Variants in MAK16 observed in about 807,000 individuals in gnomAD.
The protein encoded by MAK16 is MAK16 homolog, also known as protein MAK16 homolog.
MAK16 carries 12 observed loss-of-function variants against 49.9 expected under a neutral mutation model. That is an observed-to-expected ratio of 0.24 (90% confidence interval 0.15 to 0.39). The LOEUF is 0.39. Among genes scored for constraint, MAK16 ranks in the 10% least tolerant of loss-of-function variants. The probability of loss-of-function intolerance (pLI) is 1.00; values close to 1 mark genes in which losing one functional copy is unlikely to be tolerated. For missense variants in MAK16, 292 were observed against 363.7 expected (o/e 0.80, Z 1.60); for synonymous variants, 115 against 126.4 (o/e 0.91, Z 0.60).
At chr8:33,495,767 A>G (rs566788613) in intron 7 of MAK16, 151 bp downstream of exon 7, 2 of 595,758 alleles carry the variant, frequency 3.4e-6, no homozygotes, top group African/African-American at 4.5e-5. Context: ...CCCAGGTTAG[A>G]GTGCAGTGGT....
chr8:33,489,170 A>G lies in MAK16; in HGVS notation c.392+31A>G. 3 of 1,578,998 alleles carry G rather than the reference A, an allele frequency of 1.9e-6. No homozygotes were observed. The highest frequency in any genetic ancestry group is 1.4e-5 in the African/African-American group (1 of 73,406). On this transcript the variant is annotated intron_variant, in intron 5 of 9. Transcript: ENST00000360128. This position sits in a 1 kb window ranked among gnomAD's most constrained non-coding sequence, Gnocchi z 4.2. ...TATTTGGATCATTCATTATTTTTAA[A>G]TCTCTCTTTTTATGGAGCTTGTTTT...
chr8:33,500,288 T>C lies in MAK16; in HGVS notation c.*1659T>C, dbSNP rs1393765261. 6.2e-7 allele frequency: 1 copy of C among 1,612,060 alleles called. No individual in the cohort carries two copies. The highest frequency in any genetic ancestry group is 8.5e-7 in the Non-Finnish European group (1 of 1,178,516). On this transcript the variant is annotated 3_prime_UTR_variant, in exon 10 of 10. Transcript: ENST00000360128. ...ATCAATCATGGGAATTACATAAGGA[T>C]AATGAGGCCCAACTGAAACCAAGTT... is the stretch of plus-strand genomic sequence containing the variant.
At chr8:33,488,689 T>A in intron 3 of MAK16, 45 bp from the exon 4 acceptor site, 1 of 1,611,976 alleles carries the variant, frequency 6.2e-7, no homozygotes, top group Non-Finnish European at 8.5e-7. Flanking sequence ...GGGATGTTCT[T>A]TAGTTTCTGT....
Position 33,498,919 on chromosome 8 carries a change from A to G in MAK16, c.*290A>G. 2 of 577,568 alleles carry G rather than the reference A, an allele frequency of 3.5e-6. No individual in the cohort carries two copies. The highest frequency in any genetic ancestry group is 6.1e-6 in the Non-Finnish European group (2 of 328,378). 35.8% of individuals were successfully genotyped at this position (577,568 alleles called of 1,614,324 possible). A position where few individuals can be genotyped will look rare whatever the true frequency, so the allele number is the denominator to read the frequency against. On this transcript the variant is annotated 3_prime_UTR_variant, in exon 10 of 10. Coordinates refer to ENST00000360128, the MANE Select transcript of MAK16 (RefSeq NM_032509.4). Reference sequence around the variant, plus strand: ...ATCTGGGATGAGATGACGGATGTAAATATTTCTAAATTTTAAATGCTACAT... The same window carrying G: ...ATCTGGGATGAGATGACGGATGTAAGTATTTCTAAATTTTAAATGCTACAT...
At position 33,501,022 on chromosome 8, in the gene MAK16, C is replaced by T. The variant is rs1809056965; in HGVS notation, c.*2393C>T. 6.4e-6 allele frequency: 1 copy of T among 156,058 alleles called. No individual in the cohort carries two copies. Among genetic ancestry groups the T allele is most frequent in the African/African-American group, 2.4e-5 (1 of 41,462 alleles). 9.7% of individuals were successfully genotyped at this position (156,058 alleles called of 1,614,324 possible). A position where few individuals can be genotyped will look rare whatever the true frequency, so the allele number is the denominator to read the frequency against. On this transcript the variant is annotated 3_prime_UTR_variant, in exon 10 of 10. Transcript: ENST00000360128. Reference sequence around the variant, plus strand: ...AGCCTACTTACTTGTAACTATTAACCTTTCTAAAAGTTTTCATCGCCTTGG... The same window carrying T: ...AGCCTACTTACTTGTAACTATTAACTTTTCTAAAAGTTTTCATCGCCTTGG...
Position 33,499,281 on chromosome 8 carries a change from A to C in MAK16, c.*652A>C. On this transcript the variant is annotated 3_prime_UTR_variant, in exon 10 of 10. Coordinates refer to ENST00000360128, the MANE Select transcript of MAK16 (RefSeq NM_032509.4). ...GGGGAATTTTGGCCAGGAGACCCTGAAACATGAAACCAAACAGGCTTTGAT... is the reference window on the plus strand; with the variant it reads ...GGGGAATTTTGGCCAGGAGACCCTGCAACATGAAACCAAACAGGCTTTGAT... 1 of 1,603,028 alleles carries C rather than the reference A, an allele frequency of 6.2e-7. No homozygotes were observed. The highest frequency in any genetic ancestry group is 1.1e-5 in the South Asian group (1 of 90,832).
intron 6 of MAK16, among the ~76,000 whole-genome samples, chr8:33,494,771 A>C (rs1030343879): frequency 6.6e-5 from 10 of 152,056 alleles, no homozygotes; most frequent in Admixed American, 5.9e-4. Context: ...ACAACATGGA[A>C]CATCGCTGTA....
At position 33,500,496 on chromosome 8, in the gene MAK16, A is replaced by G; in HGVS notation, c.*1867A>G. On this transcript the variant is annotated 3_prime_UTR_variant, in exon 10 of 10. Coordinates refer to ENST00000360128, the MANE Select transcript of MAK16 (RefSeq NM_032509.4). ...CCACAAGTCTGCAGGAAACTCTGGAATCAGGAAGAAAAGCTATGTTCATAC... is the reference window on the plus strand; with the variant it reads ...CCACAAGTCTGCAGGAAACTCTGGAGTCAGGAAGAAAAGCTATGTTCATAC... The G allele has an allele frequency of 6.2e-7, 1 of 1,614,018 alleles. No homozygotes were observed.
At chr8:33,498,401 T>C in intron 9 of MAK16, 31 bp from the exon 10 acceptor site, 1 of 1,602,824 alleles carries the variant, frequency 6.2e-7, no homozygotes, top group South Asian at 1.1e-5. Flanking sequence ...GTGTTTTCCC[T>C]CTTCCTTTAT....
At chr8:33,496,374 ATTACATTTT>A in intron 7 of MAK16, among the ~76,000 whole-genome samples, 1 of 152,176 alleles carries the variant, frequency 6.6e-6, no homozygotes, top group Non-Finnish European at 1.5e-5. Flanking sequence ...TTTGTAGACT[ATTACATTTT>A]AAATTATTTT....
chr8:33,488,427 G>A lies in MAK16; in HGVS notation c.65G>A (p.Arg22Lys). 1 of 1,614,188 alleles carries A rather than the reference G, an allele frequency of 6.2e-7. No homozygotes were observed. Among genetic ancestry groups the A allele is most frequent in the Non-Finnish European group, 8.5e-7 (1 of 1,180,046 alleles). The change falls in exon 2 of 10, where the codon AGA becomes AAA. Residue 22 changes from arginine (R) to lysine (K), a missense_variant and splice_region_variant. Arg to Lys is a conservative substitution (Grantham distance 26). Coordinates refer to ENST00000360128, the MANE Select transcript of MAK16 (RefSeq NM_032509.4). The stretch of plus-strand genomic sequence containing the variant: ...AAGCAATTTTGTTCCTTCAAAATAA[G>A]GTGAGTCTCAATTTACAACTTGGTC... Reference protein sequence around the residue: ...GNKQFCSFKIRTKTQSFCRNE... With the variant: ...GNKQFCSFKIKTKTQSFCRNE...
At chr8:33,490,484 T>A (rs1224279150) in intron 6 of MAK16, 145 bp downstream of exon 6, 1 of 531,598 alleles carries the variant, frequency 1.9e-6, no homozygotes, top group African/African-American at 1.9e-5. Flanking sequence ...AGACATTTAA[T>A]TTTTCATATT....
chr8:33,500,183 G>A lies in MAK16; in HGVS notation c.*1554G>A, dbSNP rs921205826. 2 of 825,852 alleles carry A rather than the reference G, an allele frequency of 2.4e-6. No homozygotes were observed. The highest frequency in any genetic ancestry group is 3.8e-6 in the Non-Finnish European group (2 of 526,662). The allele number at this position is 825,852 out of a possible 1,614,324, so 51.2% of individuals were successfully genotyped here. ...AAGAAAAAAGATCAAGCTCTTTTGAGGCTAGAGGGCTCATATGGAGATCTA... is the reference window on the plus strand; with the variant it reads ...AAGAAAAAAGATCAAGCTCTTTTGAAGCTAGAGGGCTCATATGGAGATCTA... On this transcript the variant is annotated 3_prime_UTR_variant, in exon 10 of 10. Transcript: ENST00000360128.
intron 6 of MAK16, 128 bp from the exon 7 acceptor site, chr8:33,495,414 C>A: frequency 1.4e-6 from 1 of 722,742 alleles, no homozygotes. Context: ...AGGCAAAAGC[C>A]AGTATTAGCA....
At chr8:33,492,525 G>A (rs1420696450) in intron 6 of MAK16, among the ~76,000 whole-genome samples, 2 of 152,132 alleles carry the variant, frequency 1.3e-5, no homozygotes, top group East Asian at 1.9e-4. Flanking sequence ...TTGTAGTTTT[G>A]TAGTTGGAGG....
Position 33,488,725 on chromosome 8 carries a change from T to G in MAK16, c.176-9T>G, listed in dbSNP as rs1808725387. ...AAATAACACTAAAGCTATTTTACTT[T>G]ATCTTCAGGACAGTGCTACTTGTAT... On this transcript the variant is annotated splice_polypyrimidine_tract_variant and intron_variant, in intron 3 of 9. Transcript: ENST00000360128. 1.2e-6 allele frequency: 2 copies of G among 1,614,162 alleles called. No individual in the cohort carries two copies. The highest frequency in any genetic ancestry group is 1.7e-6 in the Non-Finnish European group (2 of 1,179,974).
chr8:33,497,351 A>G, intron 9 of MAK16, 54 bp downstream of exon 9: 3 of 967,580 alleles, frequency 3.1e-6, no homozygotes, highest in Non-Finnish European at 4.5e-6. Flanking sequence ...AAAAAAAAAA[A>G]AAACAAAAAC....
Position 33,500,307 on chromosome 8 carries a change from C to T in MAK16, c.*1678C>T. 1 of 1,613,924 alleles carries T rather than the reference C, an allele frequency of 6.2e-7. No homozygotes were observed. The highest frequency in any genetic ancestry group is 8.5e-7 in the Non-Finnish European group (1 of 1,179,926). ...TAAGGATAATGAGGCCCAACTGAAA[C>T]CAAGTTTCAGTCTGCCTTACCTTTA... On this transcript the variant is annotated 3_prime_UTR_variant, in exon 10 of 10. Coordinates refer to ENST00000360128, the MANE Select transcript of MAK16 (RefSeq NM_032509.4).
intron 9 of MAK16, 112 bp downstream of exon 9, chr8:33,497,409 T>C (rs1024530206): frequency 4.2e-5 from 31 of 736,798 alleles, no homozygotes; most frequent in Middle Eastern, 6.9e-4. Flanking sequence ...TGCAGCACTT[T>C]GGGAGGCCAA....
Sources: allele counts gnomAD v4.1 joint callset (sites outside exome capture counted in the v4.1 genomes callset), GRCh38; gene constraint gnomAD v4.1.1; non-coding constraint Gnocchi (gnomAD v3.1); transcripts MANE v1.5; gene names NCBI Gene and HGNC (gene_info 2026-07-23, HGNC 2026-07-21).